Variants in NXPH1 observed in about 807,000 individuals in gnomAD.
NXPH1 encodes the protein neurexophilin 1.
In NXPH1, 5 loss-of-function variants were observed where a neutral mutation model predicts 23.7. The observed-to-expected ratio is 0.21, with a 90% CI of 0.11 to 0.44. NXPH1 has a LOEUF of 0.44. NXPH1 is among the 20% of genes least tolerant of loss of function. The probability of loss-of-function intolerance (pLI) is 0.99; values close to 1 mark genes in which losing one functional copy is unlikely to be tolerated. For synonymous variants in NXPH1, 144 were observed against 122.2 expected (o/e 1.18, Z -1.18); for missense variants, 324 against 321.6 (o/e 1.01, Z -0.06).
intron 2 of NXPH1, among the ~76,000 whole-genome samples, chr7:8,661,384 A>G (rs1041618386): frequency 3.3e-5 from 5 of 152,132 alleles, no homozygotes; most frequent in African/African-American, 4.8e-5. Flanking sequence ...GACTTCTCAA[A>G]ATAGTTCAAC....
chr7:8,576,524 G>A lies in NXPH1; in HGVS notation c.54+140757G>A, dbSNP rs149990607. On this transcript the variant is annotated intron_variant, in intron 2 of 2. Transcript: ENST00000405863. ...ACTGAGGGACATTCTAGACAATGTA[G>A]CTTATGGAAGAAAGTGGTGAATGAC... 1.9e-3 allele frequency among the ~76,000 whole-genome samples: 290 copies of A among 152,278 alleles called. 2 individuals carry two copies. Among genetic ancestry groups the A allele is most frequent in the African/African-American group, 6.6e-3 (275 of 41,544 alleles).
Position 8,433,650 on chromosome 7 carries a change from G to T in NXPH1, c.-1216G>T, listed in dbSNP as rs1022552027. Among the ~76,000 whole-genome samples, 1 of 152,116 alleles carries T rather than the reference G, an allele frequency of 6.6e-6. No homozygotes were observed. Among genetic ancestry groups the T allele is most frequent in the Non-Finnish European group, 1.5e-5 (1 of 68,016 alleles). On this transcript the variant is annotated 5_prime_UTR_variant, in exon 1 of 3. Coordinates refer to ENST00000405863, the MANE Select transcript of NXPH1 (RefSeq NM_152745.3). This position sits in a 1 kb window ranked among gnomAD's most constrained non-coding sequence, Gnocchi z 6.8. ...TCGAGCTGAATGGCTGGCAGTCTGC[G>T]GCTCCCCCGCCTCCGGCCCGGCAGC...
intron 2 of NXPH1, among the ~76,000 whole-genome samples, chr7:8,440,828 T>C (rs1816284193): frequency 6.6e-6 from 1 of 152,134 alleles, no homozygotes; most frequent in African/African-American, 2.4e-5. Flanking sequence ...GCCTTCCCCA[T>C]CCTCCCAGTC....
At chr7:8,466,525 G>C (rs1816788332) in intron 2 of NXPH1, among the ~76,000 whole-genome samples, 4 of 152,098 alleles carry the variant, frequency 2.6e-5, no homozygotes, top group Admixed American at 6.6e-5. Flanking sequence ...ACATTTGCTG[G>C]AGTTCTGATC....
At chr7:8,576,932 G>C (rs1401677060) in intron 2 of NXPH1, among the ~76,000 whole-genome samples, 1 of 151,960 alleles carries the variant, frequency 6.6e-6, no homozygotes, top group Non-Finnish European at 1.5e-5. Context: ...ACTCTGAATG[G>C]CCTTTACTCT....
At chr7:8,716,689 T>C (rs1779883819) in intron 2 of NXPH1, among the ~76,000 whole-genome samples, 2 of 152,220 alleles carry the variant, frequency 1.3e-5, no homozygotes, top group African/African-American at 2.4e-5. Context: ...GATATGTCTG[T>C]GTTTCTAGGC....
At chr7:8,623,541 A>G (rs562092763) in intron 2 of NXPH1, among the ~76,000 whole-genome samples, 1 of 152,142 alleles carries the variant, frequency 6.6e-6, no homozygotes, top group South Asian at 2.1e-4. Context: ...ACTGTGATCG[A>G]ATCATAGTTA....
chr7:8,717,323 A>G (rs886133285), intron 2 of NXPH1, among the ~76,000 whole-genome samples: 1 of 152,190 alleles, frequency 6.6e-6, no homozygotes, highest in Non-Finnish European at 1.5e-5. Flanking sequence ...GCTCAAAACA[A>G]GAAGGATTTA....
intron 2 of NXPH1, among the ~76,000 whole-genome samples, chr7:8,497,034 C>T (rs762239563): frequency 6.6e-6 from 1 of 152,082 alleles, no homozygotes; most frequent in Non-Finnish European, 1.5e-5. Flanking sequence ...ATGACAGGCC[C>T]TGGTGTGTGA....
chr7:8,521,760 C>A (rs1817775458), intron 2 of NXPH1, among the ~76,000 whole-genome samples: 1 of 152,048 alleles, frequency 6.6e-6, no homozygotes, highest in Non-Finnish European at 1.5e-5. Flanking sequence ...AAGACAATGG[C>A]AGTGTAACTG....
At chr7:8,638,803 T>C (rs1402827276) in intron 2 of NXPH1, among the ~76,000 whole-genome samples, 1 of 152,188 alleles carries the variant, frequency 6.6e-6, no homozygotes, top group Non-Finnish European at 1.5e-5. Flanking sequence ...CCATCTTGGC[T>C]GCATTATTTT....
At chr7:8,562,357 A>G (rs1201804735) in intron 2 of NXPH1, among the ~76,000 whole-genome samples, 1 of 151,760 alleles carries the variant, frequency 6.6e-6, no homozygotes, top group Non-Finnish European at 1.5e-5. Context: ...GATGAATAAT[A>G]TTAACAAAAG....
intron 2 of NXPH1, among the ~76,000 whole-genome samples, chr7:8,508,407 A>G (rs975191990): frequency 1.3e-5 from 2 of 152,132 alleles, no homozygotes; most frequent in African/African-American, 4.8e-5. Flanking sequence ...AATTGCTGGA[A>G]CTAAATGAAG....
chr7:8,594,168 TGAATGGTAAATGTTAA>T (rs1411504050), intron 2 of NXPH1, among the ~76,000 whole-genome samples: 5 of 152,080 alleles, frequency 3.3e-5, no homozygotes, highest in Admixed American at 6.6e-5. Flanking sequence ...CACGTTTACT[TGAATGGTAAATGTTAA>T]GAGAATGCTG....
rs556043842 is a variant in NXPH1 at position 8,667,829 on chromosome 7, T to C, written c.55-83179T>C. Reference sequence around the variant, plus strand: ...ACTCCTAAATCTTGAATATTTGATCTTTTAAAGCTGTCCCATAAATCCCAT... The same window carrying C: ...ACTCCTAAATCTTGAATATTTGATCCTTTAAAGCTGTCCCATAAATCCCAT... On this transcript the variant is annotated intron_variant, in intron 2 of 2. Coordinates refer to ENST00000405863, the MANE Select transcript of NXPH1 (RefSeq NM_152745.3). 7.2e-5 allele frequency among the ~76,000 whole-genome samples: 11 copies of C among 152,212 alleles called. No individual in the cohort carries two copies. In the East Asian group the frequency reaches 2.1e-3, roughly 29 times the overall value.
Position 8,746,897 on chromosome 7 carries a change from G to A in NXPH1, c.55-4111G>A, listed in dbSNP as rs551202545. ...TTTAATTGTTTGCTTTATGTTTGTG[G>A]TTATATTGAAGGGAGATTTTCTTTC... On this transcript the variant is annotated intron_variant, in intron 2 of 2. Transcript: ENST00000405863. 9.3e-5 allele frequency among the ~76,000 whole-genome samples: 14 copies of A among 151,026 alleles called. No individual in the cohort carries two copies. The East Asian group carries it at 2.7e-3, about 29-fold the overall frequency.
chr7:8,732,736 A>T lies in NXPH1; in HGVS notation c.55-18272A>T, dbSNP rs187524197. Among the ~76,000 whole-genome samples, 148 of 151,880 alleles carry T rather than the reference A, an allele frequency of 9.7e-4. 1 individual carries two copies. Among genetic ancestry groups the T allele is most frequent in the Admixed American group, 2.1e-3 (32 of 15,268 alleles). ...AAAAATGTAATATAAAATATAAGCTATTTTTTTCTGGGTTATTGTCTCCTT... is the reference window on the plus strand; with the variant it reads ...AAAAATGTAATATAAAATATAAGCTTTTTTTTTCTGGGTTATTGTCTCCTT... On this transcript the variant is annotated intron_variant, in intron 2 of 2. Transcript: ENST00000405863.
intron 2 of NXPH1, among the ~76,000 whole-genome samples, chr7:8,629,880 G>A (rs1201364183): frequency 1.3e-5 from 2 of 152,124 alleles, no homozygotes; most frequent in African/African-American, 2.4e-5. Flanking sequence ...AGCTACTATA[G>A]ATAATTTAGG....
At chr7:8,672,529 G>GA (rs530227925) in intron 2 of NXPH1, among the ~76,000 whole-genome samples, 25 of 146,954 alleles carry the variant, frequency 1.7e-4, no homozygotes, top group South Asian at 4.3e-4. Flanking sequence ...ACCCCTAGGG[G>GA]AAAAAAAAAA....
Sources: allele counts gnomAD v4.1 joint callset (sites outside exome capture counted in the v4.1 genomes callset), GRCh38; gene constraint gnomAD v4.1.1; non-coding constraint Gnocchi (gnomAD v3.1); transcripts MANE v1.5; gene names NCBI Gene and HGNC (gene_info 2026-07-23, HGNC 2026-07-21).